Variants in ST3GAL5 observed in about 807,000 individuals in gnomAD.
ST3GAL5 encodes the protein lactosylceramide alpha-2,3-sialyltransferase.
ST3GAL5 carries 25 observed loss-of-function variants against 46.1 expected under a neutral mutation model. The observed-to-expected ratio is 0.54, with a 90% confidence interval of 0.40 to 0.76. ST3GAL5 has a LOEUF of 0.76. ST3GAL5 is among the 30% of genes least tolerant of loss of function. The pLI is 0.00. For synonymous variants in ST3GAL5, 182 were observed against 192.7 expected (o/e 0.94, Z 0.46); for missense variants, 431 against 521.2 (o/e 0.83, Z 1.69).
chr2:85,861,212 T>C lies in ST3GAL5; in HGVS notation c.287A>G (p.Lys96Arg). 1 of 1,613,080 alleles carries C rather than the reference T, an allele frequency of 6.2e-7. No individual in the cohort carries two copies. Among genetic ancestry groups the C allele is most frequent in the Non-Finnish European group, 8.5e-7 (1 of 1,179,270 alleles). ...NYTTEECDMKKMHYVDPDHVK... is the reference protein window; with the variant it reads ...NYTTEECDMKRMHYVDPDHVK... ...ATGGTCAGGGTCCACATAATGCATTTTTTTCATGTCACATTCTTCAGTAGT... is the reference window on the plus strand; with the variant it reads ...ATGGTCAGGGTCCACATAATGCATTCTTTTCATGTCACATTCTTCAGTAGT... Residue 96 changes from lysine to arginine, a missense_variant, in exon 3 of 7, where the codon AAA (lysine) becomes AGA (arginine). Lys to Arg is a conservative substitution (Grantham distance 26, BLOSUM62 2). Coordinates refer to ENST00000638572, the MANE Select transcript of ST3GAL5 (RefSeq NM_003896.4).
intron 1 of ST3GAL5, chr2:85,867,789 G>A (rs1685447611): frequency 1.5e-6 from 1 of 678,502 alleles, no homozygotes. Context: ...TGGTATAACG[G>A]CAAGACTGTT....
chr2:85,887,647 C>T (rs1266462320), intron 1 of ST3GAL5: 3 of 152,252 alleles, frequency 2.0e-5, no homozygotes, highest in African/African-American at 7.2e-5. Flanking sequence ...AGCTGTCAAG[C>T]TCTCAGGATT....
At chr2:85,882,872 G>C (rs947392814) in intron 1 of ST3GAL5, among the ~76,000 whole-genome samples, 1 of 151,546 alleles carries the variant, frequency 6.6e-6, no homozygotes, top group South Asian at 2.1e-4. Flanking sequence ...CTGGATTTCG[G>C]ACTTGCATGG....
At chr2:85,851,906 A>C (rs767002603) in intron 3 of ST3GAL5, among the ~76,000 whole-genome samples, 1 of 152,266 alleles carries the variant, frequency 6.6e-6, no homozygotes, top group Non-Finnish European at 1.5e-5. Flanking sequence ...TTCAGTTTTT[A>C]ACATCTTCCA....
At chr2:85,867,632 C>T (rs746170568) in intron 1 of ST3GAL5, 19 of 780,720 alleles carry the variant, frequency 2.4e-5, no homozygotes, top group Admixed American at 3.4e-5. Context: ...TGGGTGGCGG[C>T]GAGACAGGAT....
chr2:85,865,673 A>G (rs550826909), intron 1 of ST3GAL5, among the ~76,000 whole-genome samples: 18 of 152,216 alleles, frequency 1.2e-4, no homozygotes, highest in Non-Finnish European at 2.2e-4. Flanking sequence ...GATGACTGGA[A>G]TGATACTCAG....
intron 1 of ST3GAL5, among the ~76,000 whole-genome samples, chr2:85,881,199 G>A (rs1687109179): frequency 6.6e-6 from 1 of 152,182 alleles, no homozygotes; most frequent in Non-Finnish European, 1.5e-5. Flanking sequence ...ATGATTGTGA[G>A]ACCTTCCCCA....
Position 85,863,848 on chromosome 2 carries a change from C to T in ST3GAL5, c.83-363G>A, listed in dbSNP as rs74753948. Among the ~76,000 whole-genome samples, 138 of 152,148 alleles carry T rather than the reference C, an allele frequency of 9.1e-4. 5 individuals carry two copies. The East Asian group carries it at 0.023, about 25-fold the overall frequency. ...TTAGCCTCCTGAGTGGCTGGGATTA[C>T]AGGCGCATGCCACCATGCCAGGCTA... is the stretch of plus-strand genomic sequence containing the variant. On this transcript the variant is annotated intron_variant, in intron 1 of 6. Coordinates refer to ENST00000638572, the MANE Select transcript of ST3GAL5 (RefSeq NM_003896.4).
At chr2:85,844,624 G>A (rs1682550923) in intron 5 of ST3GAL5, 70 bp from the exon 6 acceptor site, 1 of 1,601,068 alleles carries the variant, frequency 6.2e-7, no homozygotes, top group Admixed American at 1.7e-5. Flanking sequence ...CCACTCATCA[G>A]ACCAAGGCTG....
intron 1 of ST3GAL5, among the ~76,000 whole-genome samples, chr2:85,868,666 T>C (rs1332841472): frequency 6.6e-6 from 1 of 151,134 alleles, no homozygotes; most frequent in Non-Finnish European, 1.5e-5. Context: ...TCGCCCAGGC[T>C]GGAGTGCAGT....
chr2:85,867,719 A>G, intron 1 of ST3GAL5: 1 of 769,700 alleles, frequency 1.3e-6, no homozygotes. Flanking sequence ...GAAGGAATGT[A>G]TAGGACATTG....
At chr2:85,877,309 G>C (rs1020847257) in intron 1 of ST3GAL5, among the ~76,000 whole-genome samples, 2 of 152,104 alleles carry the variant, frequency 1.3e-5, no homozygotes, top group Non-Finnish European at 2.9e-5. Flanking sequence ...TCTGTTACAG[G>C]GTCCAGTCCA....
At chr2:85,868,622 T>C (rs1312016302) in intron 1 of ST3GAL5, among the ~76,000 whole-genome samples, 1 of 129,248 alleles carries the variant, frequency 7.7e-6, no homozygotes, top group Non-Finnish European at 1.8e-5. Context: ...GCAATTAAAC[T>C]TTTTTTTTTT....
At chr2:85,861,029 CT>C (rs955728279) in intron 3 of ST3GAL5, 151 bp downstream of exon 3, 1 of 657,756 alleles carries the variant, frequency 1.5e-6, no homozygotes, top group African/African-American at 1.8e-5. Context: ...AGAAGGTTGT[CT>C]TTGGTTTTGG....
Position 85,846,420 on chromosome 2 carries a change from A to C in ST3GAL5, c.806T>G (p.Val269Gly). ...DLFVAVLFKS[V>G]DFNWLQAMVK... Reference sequence around the variant, plus strand: ...CATTGCTTGAAGCCAGTTGAAATCAACACTCTTAAATAAAACAGCAACAAA... The same window carrying C: ...CATTGCTTGAAGCCAGTTGAAATCACCACTCTTAAATAAAACAGCAACAAA... The change falls in exon 5 of 7, where the codon GTT (valine) becomes GGT (glycine). Residue 269 changes from valine (V) to glycine (G), a missense_variant. Val to Gly is a moderately radical substitution (Grantham distance 109, BLOSUM62 -3). Transcript: ENST00000638572. 6.2e-7 allele frequency: 1 copy of C among 1,614,198 alleles called. No individual in the cohort carries two copies. The highest frequency in any genetic ancestry group is 8.5e-7 in the Non-Finnish European group (1 of 1,180,026).
At chr2:85,874,175 A>G (rs1686266742) in intron 1 of ST3GAL5, among the ~76,000 whole-genome samples, 1 of 152,206 alleles carries the variant, frequency 6.6e-6, no homozygotes, top group South Asian at 2.1e-4. Flanking sequence ...GTGCTTTTTA[A>G]TCTACTTCAA....
chr2:85,847,265 A>C (rs17026666), intron 4 of ST3GAL5: 40,915 of 668,822 alleles, frequency 0.061, 1,508 homozygotes, highest in African/African-American at 0.13. Flanking sequence ...TCATTGACTC[A>C]AGTCTCTTGC....
At chr2:85,845,906 T>C (rs1682742794) in intron 5 of ST3GAL5, 2 of 174,734 alleles carry the variant, frequency 1.1e-5, no homozygotes, top group Admixed American at 1.1e-4. Context: ...CAAGAACCAC[T>C]GGAAGAGGGC....
At position 85,848,224 on chromosome 2, in the gene ST3GAL5, A is replaced by G. The variant is rs765643288; in HGVS notation, c.319-20T>C. On this transcript the variant is annotated intron_variant, in intron 3 of 6. Transcript: ENST00000638572. Reference sequence around the variant, plus strand: ...AGCTCTCTGGAATGAAATCACACCAATCTGGGTTTTAAAAACTCTCCTGCA... The same window carrying G: ...AGCTCTCTGGAATGAAATCACACCAGTCTGGGTTTTAAAAACTCTCCTGCA... 2.5e-6 allele frequency: 4 copies of G among 1,613,900 alleles called. No individual in the cohort carries two copies. In the Admixed American group the frequency reaches 6.7e-5, roughly 27 times the overall value.
Sources: allele counts gnomAD v4.1 joint callset (sites outside exome capture counted in the v4.1 genomes callset), GRCh38; gene constraint gnomAD v4.1.1; transcripts MANE v1.5; gene names NCBI Gene and HGNC (gene_info 2026-07-23, HGNC 2026-07-21).